The following WDR72 variants were observed in gnomAD, a reference collection of about 807,000 sequenced individuals.
WDR72 encodes WD repeat domain 72, also known as WD repeat-containing protein 72.
WDR72 carries 120 observed loss-of-function variants against 124.2 expected under a neutral mutation model. That is an observed-to-expected ratio of 0.97 (90% CI 0.83 to 1.12). WDR72 has a LOEUF of 1.12. WDR72 is among the 50% of genes most tolerant of loss of function. WDR72 has a pLI of 0.00. For synonymous variants in WDR72, 452 were observed against 441.7 expected, an observed-to-expected ratio of 1.02 and a Z score of -0.29; for missense variants, 1,387 against 1,278.8, an observed-to-expected ratio of 1.08 and a Z score of -1.29.
intron 18 of WDR72, among the ~76,000 whole-genome samples, chr15:53,583,296 G>A (rs139938597): frequency 1.6e-3 from 242 of 152,120 alleles, no homozygotes; most frequent in Middle Eastern, 0.01. Flanking sequence ...TGTTGTATAC[G>A]TAGAAAAGGC....
chr15:53,626,794 C>T (rs771375463), intron 14 of WDR72, among the ~76,000 whole-genome samples: 62 of 152,150 alleles, frequency 4.1e-4, no homozygotes, highest in Admixed American at 1.5e-3. Context: ...TGGAAGTGGT[C>T]ACCATCCCAG....
rs539653386 is a variant in WDR72 at position 53,671,105 on chromosome 15, A to G, written c.1766-5337T>C. ...TAGATAATACTTCTTAATAGATTAT[A>G]TGACATCAACAACCTGCTCATGATT... On this transcript the variant is annotated intron_variant, in intron 13 of 19. Transcript: ENST00000360509. 1.5e-3 allele frequency among the ~76,000 whole-genome samples: 234 copies of G among 152,342 alleles called. 12 individuals carry two copies. The South Asian group carries it at 0.033, about 21-fold the overall frequency.
chr15:53,643,417 C>T (rs2014925523), intron 14 of WDR72, among the ~76,000 whole-genome samples: 1 of 151,614 alleles, frequency 6.6e-6, no homozygotes, highest in African/African-American at 2.4e-5. Flanking sequence ...ATTTTTTTTT[C>T]TGAAATGTCT....
chr15:53,594,929 A>G (rs2012701003), intron 18 of WDR72, among the ~76,000 whole-genome samples: 1 of 152,124 alleles, frequency 6.6e-6, no homozygotes, highest in Admixed American at 6.6e-5. Context: ...AAAAGACAAT[A>G]TTAATATGAA....
chr15:53,656,291 GA>G (rs1435069264), intron 14 of WDR72, among the ~76,000 whole-genome samples: 3 of 152,194 alleles, frequency 2.0e-5, no homozygotes, highest in African/African-American at 4.8e-5. Flanking sequence ...TGGAGATGCA[GA>G]GAACTGGTGG....
chr15:53,529,345 C>T (rs1472753004), intron 18 of WDR72, among the ~76,000 whole-genome samples: 2 of 151,756 alleles, frequency 1.3e-5, no homozygotes, highest in African/African-American at 4.8e-5. Context: ...CGTTTCACTT[C>T]CCTAAACTCA....
At chr15:53,595,819 G>C (rs1476274520) in intron 18 of WDR72, among the ~76,000 whole-genome samples, 1 of 152,056 alleles carries the variant, frequency 6.6e-6, no homozygotes, top group Admixed American at 6.6e-5. Context: ...TTTTCACAGA[G>C]GTGAATTTAC....
chr15:53,713,133 C>G (rs529030708), intron 6 of WDR72, among the ~76,000 whole-genome samples: 1 of 147,302 alleles, frequency 6.8e-6, no homozygotes. Flanking sequence ...AACAAACCTG[C>G]GTATGTACTC....
chr15:53,555,466 T>C (rs56087131), intron 18 of WDR72, among the ~76,000 whole-genome samples: 5,563 of 152,040 alleles, frequency 0.037, 264 homozygotes, highest in African/African-American at 0.11. Flanking sequence ...AAGTAAGCAT[T>C]TTGGATAAAG....
At chr15:53,533,253 G>A (rs1032680388) in intron 18 of WDR72, among the ~76,000 whole-genome samples, 2 of 152,138 alleles carry the variant, frequency 1.3e-5, no homozygotes, top group African/African-American at 2.4e-5. Flanking sequence ...AGTATCTCAA[G>A]AAGAGATTAA....
chr15:53,705,225 C>A lies in WDR72; in HGVS notation c.1111G>T (p.Val371Leu), dbSNP rs200333070. The A allele has an allele frequency of 3.7e-5, 59 of 1,613,130 alleles. No individual in the cohort carries two copies. In the East Asian group the frequency reaches 1.0e-3, roughly 29 times the overall value. ...KFDGSPREIP[V>L]TATWTLQDNF... ...TCTTGAAGAGTCCAGGTGGCAGTTA[C>A]TGGTATCTCTAAAAAGAAAACAGAC... The change falls in exon 11 of 20, where the codon GTA (valine) becomes TTA (leucine). Residue 371 changes from valine to leucine, a missense_variant. By Grantham distance (32) the Val-to-Leu change is conservative. Transcript: ENST00000360509.
chr15:53,589,489 G>A (rs1951816941), intron 18 of WDR72, among the ~76,000 whole-genome samples: 1 of 151,906 alleles, frequency 6.6e-6, no homozygotes, highest in African/African-American at 2.4e-5. Context: ...GATCATTTTA[G>A]GTGATGGGAG....
chr15:53,706,031 T>C lies in WDR72; in HGVS notation c.998A>G (p.Lys333Arg). ...GAAAAGTACCTTGTAAAAAGGCTCT[T>C]TCCTTTCATTCATGTAGCCCATAAC... ...PFVMGYMNER[K>R]EPFYKVLFSG... The change falls in exon 10 of 20, where the codon AAA becomes AGA. Residue 333 changes from lysine (K) to arginine (R), a missense_variant. By Grantham distance (26) the Lys-to-Arg change is conservative (BLOSUM62 2). Coordinates refer to ENST00000360509, the MANE Select transcript of WDR72 (RefSeq NM_182758.4). The C allele has an allele frequency of 6.2e-7, 1 of 1,614,064 alleles. No individual in the cohort carries two copies.
chr15:53,661,905 A>G (rs1054863420), intron 14 of WDR72, among the ~76,000 whole-genome samples: 4 of 152,170 alleles, frequency 2.6e-5, no homozygotes, highest in Non-Finnish European at 4.4e-5. Flanking sequence ...TTTTAAAGAA[A>G]AGACATTTCC....
intron 14 of WDR72, among the ~76,000 whole-genome samples, chr15:53,661,900 A>G (rs1014254223): frequency 2.0e-5 from 3 of 152,160 alleles, no homozygotes; most frequent in African/African-American, 7.2e-5. Context: ...ATCAGTTTTA[A>G]AGAAAAGACA....
At chr15:53,674,978 A>G (rs2016117622) in intron 13 of WDR72, among the ~76,000 whole-genome samples, 1 of 152,216 alleles carries the variant, frequency 6.6e-6, no homozygotes, top group Admixed American at 6.5e-5. Context: ...GGAGGTTTAA[A>G]GTTGCTGAGA....
rs1891391338 is a variant in WDR72 at position 53,515,108 on chromosome 15, A to ACACAC, written c.*2590_*2591insGTGTG. 3.7e-5 allele frequency: 1 copy of ACACAC among 27,144 alleles called. No individual in the cohort carries two copies. The highest frequency in any genetic ancestry group is 3.5e-4 in the Admixed American group (1 of 2,824). 1.7% of individuals were successfully genotyped at this position (27,144 alleles called of 1,614,324 possible). A position where few individuals can be genotyped will look rare whatever the true frequency, so the allele number is the denominator to read the frequency against. Reference sequence around the variant, plus strand: ...GTATACACACACACACACACACACAAATACATTCATAAATATCACCAAGAT... The same window carrying ACACAC: ...GTATACACACACACACACACACACAACACACATACATTCATAAATATCACCAAGAT... On this transcript the variant is annotated 3_prime_UTR_variant, in exon 20 of 20. Transcript: ENST00000360509.
chr15:53,703,197 A>C (rs193230894), intron 11 of WDR72, among the ~76,000 whole-genome samples: 137 of 152,318 alleles, frequency 9.0e-4, no homozygotes, highest in African/African-American at 3.2e-3. Context: ...TACAGGCGGT[A>C]GCCACCGCGC....
rs920826216 is a variant in WDR72, at chr15:53,714,240, T to G, written c.591+194A>C. ...ATTTGTATATACATGGAGAAAAGGT[T>G]GGAAGGATACAAGCCAAGTGTACCA... On this transcript the variant is annotated intron_variant, in intron 6 of 19. Transcript: ENST00000360509. Among the ~76,000 whole-genome samples the G allele has an allele frequency of 7.2e-5, 11 of 151,736 alleles. No individual in the cohort carries two copies. In the South Asian group the frequency reaches 1.5e-3, roughly 20 times the overall value.
Sources: gnomAD v4.1 joint callset for allele counts (sites outside exome capture counted in the v4.1 genomes callset) on GRCh38, gnomAD v4.1.1 for gene constraint, MANE v1.5 for transcripts, NCBI Gene and HGNC (gene_info 2026-07-23, HGNC 2026-07-21) for gene names.